Variants in FHIT observed in about 807,000 individuals in gnomAD.
FHIT encodes bis(5'-adenosyl)-triphosphatase.
A neutral mutation model predicts 17.9 loss-of-function variants in FHIT; 19 were observed. The ratio of observed to expected loss-of-function variants is 1.06; its 90% CI spans 0.74 to 1.56. The LOEUF (loss-of-function observed/expected upper bound fraction) is 1.56. Ranked by LOEUF, FHIT falls within the 40% of genes most tolerant of loss-of-function variation. FHIT has a pLI of 0.00. For synonymous variants in FHIT, 81 were observed against 69.7 expected (o/e 1.16, Z -0.81); for missense variants, 248 against 189.2 (o/e 1.31, Z -1.82).
chr3:60,751,846 T>TA (rs1249334597), intron 4 of FHIT, among the ~76,000 whole-genome samples: 2 of 152,114 alleles, frequency 1.3e-5, no homozygotes, highest in Non-Finnish European at 2.9e-5. Context: ...TTTTATAATA[T>TA]AAAAAAACCA....
intron 8 of FHIT, among the ~76,000 whole-genome samples, chr3:59,900,587 C>T (rs555668582): frequency 6.6e-6 from 1 of 152,242 alleles, no homozygotes; most frequent in South Asian, 2.1e-4. Flanking sequence ...GACGGGGTGG[C>T]TCCTGTTGTA....
chr3:59,933,424 A>G (rs571520251), intron 7 of FHIT, among the ~76,000 whole-genome samples: 24 of 152,160 alleles, frequency 1.6e-4, no homozygotes, highest in Non-Finnish European at 3.1e-4. Flanking sequence ...TTAGTACTGT[A>G]TATTATCACA....
intron 5 of FHIT, among the ~76,000 whole-genome samples, chr3:60,446,150 G>A (rs1268243080): frequency 6.6e-6 from 1 of 152,176 alleles, no homozygotes; most frequent in East Asian, 1.9e-4. Flanking sequence ...GCATTACTGG[G>A]AGAACTGCAA....
At chr3:61,059,150 G>A (rs1286088692) in intron 2 of FHIT, among the ~76,000 whole-genome samples, 1 of 152,162 alleles carries the variant, frequency 6.6e-6, no homozygotes, top group Non-Finnish European at 1.5e-5. Context: ...AAGATAGAAA[G>A]TCAATTTTAA....
chr3:60,432,358 G>C (rs894292561), intron 5 of FHIT, among the ~76,000 whole-genome samples: 2 of 152,036 alleles, frequency 1.3e-5, no homozygotes, highest in Non-Finnish European at 2.9e-5. Context: ...CAATAAATGA[G>C]TGTTGGACCT....
At chr3:60,194,255 C>G (rs1300339994) in intron 5 of FHIT, among the ~76,000 whole-genome samples, 2 of 151,964 alleles carry the variant, frequency 1.3e-5, no homozygotes, top group Non-Finnish European at 2.9e-5. Context: ...GCCAATGGAA[C>G]AGAATAGGGA....
intron 4 of FHIT, among the ~76,000 whole-genome samples, chr3:60,626,991 T>C (rs1177480352): frequency 6.6e-6 from 1 of 152,160 alleles, no homozygotes; most frequent in Non-Finnish European, 1.5e-5. Context: ...TATGCTATAT[T>C]ACATTTATTA....
At position 60,091,141 on chromosome 3, in the gene FHIT, C is replaced by T. The variant is rs139432761; in HGVS notation, c.104-76989G>A. Among the ~76,000 whole-genome samples, 313 of 152,250 alleles carry T rather than the reference C, an allele frequency of 2.1e-3. 1 individual carries two copies. The highest frequency in any genetic ancestry group is 7.2e-3 in the African/African-American group (300 of 41,544). On this transcript the variant is annotated intron_variant, in intron 5 of 9. Coordinates refer to ENST00000492590, the MANE Select transcript of FHIT (RefSeq NM_002012.4). ...ATTTTTGCAACTACAAGTAATTCAA[C>T]TGAAACAGAGTTGACACTCAAAAAC...
At chr3:61,044,373 AAG>A (rs2107699700) in intron 2 of FHIT, among the ~76,000 whole-genome samples, 1 of 152,344 alleles carries the variant, frequency 6.6e-6, no homozygotes, top group East Asian at 1.9e-4. Flanking sequence ...AAGTGGAAGA[AAG>A]GGTATCACTG....
chr3:61,127,515 A>G (rs1239525641), intron 2 of FHIT, among the ~76,000 whole-genome samples: 1 of 152,160 alleles, frequency 6.6e-6, no homozygotes, highest in African/African-American at 2.4e-5. Context: ...AGAAGCAGAA[A>G]ACAAACCCCC....
chr3:60,843,387 ACAGT>A (rs1239885523), intron 3 of FHIT, among the ~76,000 whole-genome samples: 12 of 152,228 alleles, frequency 7.9e-5, no homozygotes, highest in Admixed American at 6.5e-5. Context: ...AAATAAAAAC[ACAGT>A]CAGAGAGAGA....
At chr3:61,187,274 A>G (rs775612040) in intron 2 of FHIT, among the ~76,000 whole-genome samples, 1 of 152,236 alleles carries the variant, frequency 6.6e-6, no homozygotes, top group Non-Finnish European at 1.5e-5. Flanking sequence ...AGACAAGAAC[A>G]TAGACACAGC....
At chr3:60,418,941 A>T (rs1487472964) in intron 5 of FHIT, among the ~76,000 whole-genome samples, 3 of 152,182 alleles carry the variant, frequency 2.0e-5, no homozygotes, top group African/African-American at 7.2e-5. Flanking sequence ...ATCTGAAAAC[A>T]TATAGAATTA....
At chr3:60,968,651 T>A (rs1325516651) in intron 3 of FHIT, among the ~76,000 whole-genome samples, 1 of 152,158 alleles carries the variant, frequency 6.6e-6, no homozygotes, top group Non-Finnish European at 1.5e-5. Context: ...GACCTCATGA[T>A]CCACCCGCCT....
intron 5 of FHIT, among the ~76,000 whole-genome samples, chr3:60,236,782 A>C (rs1704822040): frequency 6.6e-6 from 1 of 151,836 alleles, no homozygotes; most frequent in African/African-American, 2.4e-5. Context: ...AAATATAAAA[A>C]CTCCCTTATC....
intron 5 of FHIT, among the ~76,000 whole-genome samples, chr3:60,275,689 T>C (rs1283673070): frequency 6.6e-6 from 1 of 152,144 alleles, no homozygotes; most frequent in Non-Finnish European, 1.5e-5. Context: ...ATGTGATCAA[T>C]AAATGCATAC....
intron 8 of FHIT, among the ~76,000 whole-genome samples, chr3:59,873,451 C>G (rs1559686033): frequency 6.6e-6 from 1 of 152,204 alleles, no homozygotes; most frequent in Non-Finnish European, 1.5e-5. Context: ...ATAAATGGTT[C>G]ATTCCAGCAT....
intron 5 of FHIT, among the ~76,000 whole-genome samples, chr3:60,507,317 G>C (rs2034772608): frequency 1.3e-5 from 2 of 152,184 alleles, no homozygotes; most frequent in Admixed American, 1.3e-4. Flanking sequence ...GAATGAAAGA[G>C]GCTAGTATGG....
chr3:59,821,478 C>G (rs1433528991), intron 8 of FHIT, among the ~76,000 whole-genome samples: 1 of 152,156 alleles, frequency 6.6e-6, no homozygotes, highest in African/African-American at 2.4e-5. Context: ...GTGGTTTCCT[C>G]AAACCCACCC....
Sources: allele counts gnomAD v4.1 joint callset (sites outside exome capture counted in the v4.1 genomes callset), GRCh38; gene constraint gnomAD v4.1.1; transcripts MANE v1.5; gene names NCBI Gene and HGNC (gene_info 2026-07-23, HGNC 2026-07-21).